Variants in DLG2 observed in about 807,000 individuals in gnomAD.
DLG2 encodes disks large homolog 2.
DLG2 carries 45 observed loss-of-function variants against 132.5 expected under a neutral mutation model. The ratio of observed to expected loss-of-function variants is 0.34; its 90% CI spans 0.27 to 0.44. DLG2 has a LOEUF of 0.44. DLG2 is among the 20% of genes least tolerant of loss of function. The pLI, the probability that DLG2 is intolerant of heterozygous loss-of-function variation, is 1.00. For synonymous variants in DLG2, 424 were observed against 419.6 expected (o/e 1.01, Z -0.13); for missense variants, 1,045 against 1,196.9 (o/e 0.87, Z 1.87).
intron 3 of DLG2, among the ~76,000 whole-genome samples, chr11:85,443,340 A>G (rs1158756930): frequency 1.3e-5 from 2 of 152,248 alleles, no homozygotes; most frequent in Non-Finnish European, 2.9e-5. Flanking sequence ...AGTACTTGTT[A>G]CATTGAACAT....
intron 26 of DLG2, among the ~76,000 whole-genome samples, chr11:83,465,950 G>A (rs1394181606): frequency 6.6e-6 from 1 of 152,172 alleles, no homozygotes. Flanking sequence ...TTGTGAATGG[G>A]AGTTGCCTAT....
At chr11:84,918,623 A>C (rs1194143748) in intron 6 of DLG2, among the ~76,000 whole-genome samples, 4 of 152,094 alleles carry the variant, frequency 2.6e-5, no homozygotes. Context: ...GGCTTCAATA[A>C]ATTGTTTTAG....
intron 8 of DLG2, among the ~76,000 whole-genome samples, chr11:84,186,199 T>G (rs2096273186): frequency 6.6e-6 from 1 of 152,164 alleles, no homozygotes. Flanking sequence ...AATGTGTAAA[T>G]GAATGTTTTT....
rs181628052 is a variant in DLG2 at position 83,496,490 on chromosome 11, A to G, written c.2194-12262T>C. On this transcript the variant is annotated intron_variant, in intron 21 of 27. Transcript: ENST00000376104. Reference sequence around the variant, plus strand: ...TTACCTAACAGAAAAACATATGTCCACAAAAAGGTATCTTTACAAGACTGT... The same window carrying G: ...TTACCTAACAGAAAAACATATGTCCGCAAAAAGGTATCTTTACAAGACTGT... Among the ~76,000 whole-genome samples, 53 of 152,310 alleles carry G rather than the reference A, an allele frequency of 3.5e-4. No homozygotes were observed. In the East Asian group the frequency reaches 4.4e-3, roughly 13 times the overall value.
At chr11:85,533,476 T>TATATATATATATAAAA (rs1233917527) in intron 3 of DLG2, among the ~76,000 whole-genome samples, 1 of 148,558 alleles carries the variant, frequency 6.7e-6, no homozygotes, top group African/African-American at 2.5e-5. Flanking sequence ...TATATATATA[T>TATATATATATATAAAA]AATTCTTTTT....
intron 8 of DLG2, among the ~76,000 whole-genome samples, chr11:84,232,546 A>G (rs2097107288): frequency 6.6e-6 from 1 of 152,156 alleles, no homozygotes; most frequent in Non-Finnish European, 1.5e-5. Context: ...ACAATGGGAG[A>G]CCATTAGGTT....
At chr11:84,628,463 A>G (rs1173730013) in intron 6 of DLG2, among the ~76,000 whole-genome samples, 1 of 152,184 alleles carries the variant, frequency 6.6e-6, no homozygotes, top group Admixed American at 6.5e-5. Flanking sequence ...TATATTCCAA[A>G]TTATCCTAGA....
chr11:84,108,791 A>AT (rs57352603), intron 9 of DLG2, among the ~76,000 whole-genome samples: 7 of 151,830 alleles, frequency 4.6e-5, no homozygotes, highest in Non-Finnish European at 7.4e-5. Flanking sequence ...GAGAACAGAG[A>AT]GGCAAGTTGC....
At chr11:85,261,120 T>C (rs1276975204) in intron 4 of DLG2, among the ~76,000 whole-genome samples, 1 of 152,076 alleles carries the variant, frequency 6.6e-6, no homozygotes, top group African/African-American at 2.4e-5. Flanking sequence ...GAAAGTATGT[T>C]GCAAGGAAAT....
chr11:84,166,514 AAAAAAAG>A (rs2095667192), intron 8 of DLG2, among the ~76,000 whole-genome samples: 1 of 149,452 alleles, frequency 6.7e-6, no homozygotes, highest in Non-Finnish European at 1.5e-5. Flanking sequence ...AAAAAAAAAA[AAAAAAAG>A]AAAAGAAAGA....
rs1451003688 is a variant in DLG2, at chr11:85,122,354, T to C, written c.283-10619A>G. Among the ~76,000 whole-genome samples the C allele has an allele frequency of 2.0e-5, 3 of 152,164 alleles. 1 individual carries two copies. The highest frequency in any genetic ancestry group is 2.0e-4 in the Admixed American group (3 of 15,270). On this transcript the variant is annotated intron_variant, in intron 5 of 27. Coordinates refer to ENST00000376104, the MANE Select transcript of DLG2 (RefSeq NM_001142699.3). ...AAGGTTAAGAAATGTATTAGGGAAG[T>C]ATCAAGCTAGGAAGTTGAGAGGTAT...
At chr11:84,433,122 T>C (rs1249560525) in intron 7 of DLG2, among the ~76,000 whole-genome samples, 1 of 152,218 alleles carries the variant, frequency 6.6e-6, no homozygotes, top group East Asian at 1.9e-4. Flanking sequence ...CAAGCTCATC[T>C]ACAGGTGTGT....
chr11:85,172,096 C>G (rs2078918101), intron 4 of DLG2, among the ~76,000 whole-genome samples: 2 of 152,188 alleles, frequency 1.3e-5, no homozygotes, highest in Admixed American at 1.3e-4. Context: ...ACCTGCTTTG[C>G]TAAGGGGCAG....
intron 7 of DLG2, among the ~76,000 whole-genome samples, chr11:84,468,270 T>C (rs1472901883): frequency 6.6e-6 from 1 of 151,530 alleles, no homozygotes; most frequent in Non-Finnish European, 1.5e-5. Flanking sequence ...TGATTAAGTA[T>C]GTTGGATTAC....
At chr11:84,908,364 A>G (rs2091746490) in intron 6 of DLG2, among the ~76,000 whole-genome samples, 1 of 152,160 alleles carries the variant, frequency 6.6e-6, no homozygotes, top group Non-Finnish European at 1.5e-5. Context: ...TACACTTACA[A>G]TGCATCTCAG....
chr11:84,748,092 G>A (rs1004619425), intron 6 of DLG2, among the ~76,000 whole-genome samples: 13 of 152,192 alleles, frequency 8.5e-5, no homozygotes, highest in African/African-American at 2.9e-4. Flanking sequence ...ACACCTGACA[G>A]GGCAACATCT....
intron 19 of DLG2, among the ~76,000 whole-genome samples, chr11:83,596,283 C>T (rs553301294): frequency 4.1e-4 from 62 of 152,298 alleles, no homozygotes; most frequent in African/African-American, 1.4e-3. Flanking sequence ...ACACTGGCTT[C>T]TTCTCCTGTG....
At chr11:84,909,139 C>G (rs761518795) in intron 6 of DLG2, among the ~76,000 whole-genome samples, 1 of 152,092 alleles carries the variant, frequency 6.6e-6, no homozygotes, top group East Asian at 1.9e-4. Context: ...TTTTAACCAG[C>G]CTGAGCTAAA....
chr11:85,186,581 C>G (rs528582717), intron 4 of DLG2, among the ~76,000 whole-genome samples: 1 of 152,034 alleles, frequency 6.6e-6, no homozygotes, highest in African/African-American at 2.4e-5. Flanking sequence ...CTTTATGGAA[C>G]TTTTAACAGT....
Sources: gnomAD v4.1 joint callset for allele counts (sites outside exome capture counted in the v4.1 genomes callset) on GRCh38, gnomAD v4.1.1 for gene constraint, MANE v1.5 for transcripts, NCBI Gene and HGNC (gene_info 2026-07-23, HGNC 2026-07-21) for gene names.